Variants in CYP4A22 observed in about 807,000 individuals in gnomAD.
CYP4A22 encodes cytochrome P450 family 4 subfamily A member 22.
A neutral mutation model predicts 56.2 loss-of-function variants in CYP4A22; 46 were observed. The observed-to-expected ratio is 0.82, with a 90% confidence interval of 0.65 to 1.05. CYP4A22 has a LOEUF of 1.05. Among genes scored for constraint, CYP4A22 ranks in the 50% least tolerant of loss-of-function variants. The pLI is 0.00. For missense variants in CYP4A22, 541 were observed against 645.9 expected (o/e 0.84, Z 1.76); for synonymous variants, 193 against 251.1 (o/e 0.77, Z 2.19).
intron 11 of CYP4A22, chr1:47,146,514 G>A (rs144007744): frequency 0.068 from 75,924 of 1,118,380 alleles, 2,860 homozygotes; most frequent in South Asian, 0.13. Context: ...TTTCTCAGTT[G>A]TCAGGAATAG....
chr1:47,147,248 T>C (rs1302036991), intron 11 of CYP4A22: 2 of 985,324 alleles, frequency 2.0e-6, no homozygotes, highest in African/African-American at 3.5e-5. Flanking sequence ...CTTGTAAACA[T>C]TGCCTGCAAA....
chr1:47,146,473 T>C (rs1019840860), intron 11 of CYP4A22: 140 of 1,171,456 alleles, frequency 1.2e-4, no homozygotes, highest in Non-Finnish European at 1.5e-4. Context: ...AATTAGATAT[T>C]CTCCAGTAAA....
intron 6 of CYP4A22, 43 bp downstream of exon 6, chr1:47,143,959 G>C: frequency 6.3e-7 from 1 of 1,578,278 alleles, no homozygotes; most frequent in Non-Finnish European, 8.6e-7. Flanking sequence ...CCCAGGCACA[G>C]TGAAAGTACC....
At chr1:47,143,728 C>T (rs76641385) in intron 5 of CYP4A22, 34 bp from the exon 6 acceptor site, 4 of 1,573,720 alleles carry the variant, frequency 2.5e-6, no homozygotes, top group Non-Finnish European at 3.5e-6. Context: ...TGGGCCCACC[C>T]CTACTGCGGT....
intron 1 of CYP4A22, among the ~76,000 whole-genome samples, chr1:47,139,019 T>A (rs1008266491): frequency 7.9e-5 from 12 of 152,340 alleles, no homozygotes; most frequent in Non-Finnish European, 1.5e-5. Context: ...CTGACAAAGT[T>A]CTAGCCCTAT....
chr1:47,140,447 C>T (rs1406295342), intron 1 of CYP4A22, among the ~76,000 whole-genome samples: 7 of 151,930 alleles, frequency 4.6e-5, no homozygotes, highest in African/African-American at 1.5e-4. Flanking sequence ...CTAGATATAC[C>T]AAATGATTTT....
intron 10 of CYP4A22, 33 bp from the exon 11 acceptor site, chr1:47,146,044 T>C (rs1368305735): frequency 7.4e-6 from 12 of 1,614,066 alleles, no homozygotes; most frequent in Non-Finnish European, 1.0e-5. Flanking sequence ...TGCTGGATCC[T>C]TAACTATCCT....
In CYP4A22 at chr1:47,137,692, C is replaced by T; in HGVS notation, c.195+12C>T. ...GGCACATCCAGGAGGTAGGGAGGAACTCAGTGGGGGAGTGGGAGGGCAAGG... is the reference window on the plus strand; with the variant it reads ...GGCACATCCAGGAGGTAGGGAGGAATTCAGTGGGGGAGTGGGAGGGCAAGG... On this transcript the variant is annotated intron_variant, in intron 1 of 11. Transcript: ENST00000371891. The T allele has an allele frequency of 6.2e-7, 1 of 1,602,702 alleles. No individual in the cohort carries two copies.
intron 1 of CYP4A22, among the ~76,000 whole-genome samples, chr1:47,140,387 T>C (rs554267024): frequency 5.3e-5 from 8 of 152,270 alleles, no homozygotes; most frequent in Non-Finnish European, 1.2e-4. Context: ...AGTATGATTA[T>C]ATAAAATTAT....
At position 47,143,371 on chromosome 1, in the gene CYP4A22, C is replaced by T. The variant is rs575378698; in HGVS notation, c.613C>T (p.Gln205Ter). ...CATCATGAAGAGTGCCTTCAGCCAT[C>T]AGGGCAGCATCCAGGTGGACAGGTC... ...DTIMKSAFSH[Q>*]GSIQVDRNSQ... The change falls in exon 5 of 12, where the codon CAG (glutamine) becomes TAG (stop). Residue 205 changes from glutamine to a stop codon, truncating the protein, a stop_gained. Coordinates refer to ENST00000371891, the MANE Select transcript of CYP4A22 (RefSeq NM_001010969.4). LOFTEE classifies it high-confidence loss of function. The T allele has an allele frequency of 2.5e-6, 4 of 1,613,822 alleles. No individual in the cohort carries two copies. In the South Asian group the frequency reaches 4.4e-5, roughly 18 times the overall value.
At chr1:47,139,501 T>G (rs980338530) in intron 1 of CYP4A22, among the ~76,000 whole-genome samples, 2 of 152,204 alleles carry the variant, frequency 1.3e-5, no homozygotes, top group African/African-American at 4.8e-5. Context: ...CTCATGTCCA[T>G]TATCCCCTAC....
At chr1:47,142,284 T>G in intron 4 of CYP4A22, 49 bp downstream of exon 4, 1 of 1,537,720 alleles carries the variant, frequency 6.5e-7, no homozygotes, top group Non-Finnish European at 8.8e-7. Flanking sequence ...CAGCACACAC[T>G]CTCACCAACT....
Position 47,137,557 on chromosome 1 carries a change from GCT to G in CYP4A22, c.74_75del (p.Leu25HisfsTer16), listed in dbSNP as rs1557643899. On this transcript the variant is annotated frameshift_variant, in exon 1 of 12. Coordinates refer to ENST00000371891, the MANE Select transcript of CYP4A22 (RefSeq NM_001010969.4). LOFTEE classifies it high-confidence loss of function. ...CCGGGATCCTCCAAGTGACCTCCCT[GCT>G]CATTCTGCTTCTGCTGCTGATCAAG... is the stretch of plus-strand genomic sequence containing the variant. The part of the protein sequence containing the change: ...VSGILQVTSL[L>X]ILLLLLIKAA... 1 of 1,614,176 alleles carries G rather than the reference GCT, an allele frequency of 6.2e-7. No homozygotes were observed. Among genetic ancestry groups the G allele is most frequent in the Admixed American group, 1.7e-5 (1 of 60,028 alleles).
In CYP4A22 at chr1:47,146,094, T is replaced by C; in HGVS notation, c.1305T>C (p.Arg435=). ...WPNLEVFDPS[R]FAPGSAQHSH... ...CTCTGCAGGTGTTTGACCCTTCCCG[T>C]TTTGCACCGGGTTCTGCTCAACACA... Residue 435 remains arginine (R), a synonymous_variant, in exon 11 of 12, where the codon CGT becomes CGC. Transcript: ENST00000371891. 1 of 1,614,146 alleles carries C rather than the reference T, an allele frequency of 6.2e-7. No individual in the cohort carries two copies. Among genetic ancestry groups the C allele is most frequent in the Non-Finnish European group, 8.5e-7 (1 of 1,180,024 alleles).
Position 47,143,256 on chromosome 1 carries a change from C to T in CYP4A22, c.511-13C>T, listed in dbSNP as rs762059441. 6.3e-7 allele frequency: 1 copy of T among 1,599,674 alleles called. No individual in the cohort carries two copies. The highest frequency in any genetic ancestry group is 8.5e-7 in the Non-Finnish European group (1 of 1,172,804). ...TTGGAGATTAAGAAGGTCCATGCCCCCTCCCACCACAGGACAAATGGGAAG... is the reference window on the plus strand; with the variant it reads ...TTGGAGATTAAGAAGGTCCATGCCCTCTCCCACCACAGGACAAATGGGAAG... On this transcript the variant is annotated splice_polypyrimidine_tract_variant and intron_variant, in intron 4 of 11. Coordinates refer to ENST00000371891, the MANE Select transcript of CYP4A22 (RefSeq NM_001010969.4).
At chr1:47,147,134 T>G (rs1323286021) in intron 11 of CYP4A22, 6 of 985,338 alleles carry the variant, frequency 6.1e-6, no homozygotes, top group Non-Finnish European at 6.0e-6. Context: ...AAGAAATAAT[T>G]ATGTGACTTC....
intron 11 of CYP4A22, among the ~76,000 whole-genome samples, chr1:47,147,967 GGAGTA>G (rs1245750432): frequency 1.3e-5 from 2 of 152,184 alleles, no homozygotes; most frequent in Non-Finnish European, 2.9e-5. Flanking sequence ...GGACGTTTCT[GGAGTA>G]GAGTTAGAAG....
At chr1:47,140,092 C>T (rs558455949) in intron 1 of CYP4A22, among the ~76,000 whole-genome samples, 5 of 152,212 alleles carry the variant, frequency 3.3e-5, no homozygotes, top group East Asian at 1.9e-4. Flanking sequence ...TGATCCACAT[C>T]GAAGAGTTTA....
chr1:47,144,437 T>A lies in CYP4A22; in HGVS notation c.871T>A (p.Phe291Ile). Residue 291 changes from phenylalanine (F) to isoleucine (I), a missense_variant, in exon 7 of 12, where the codon TTT becomes ATT. Around this residue, in one of 3 missense-constraint regions of CYP4A22, gnomAD observed 335 missense variants for 361.2 expected, o/e 0.93. Transcript: ENST00000371891. ...GATCAAGAGGAAGAGGCACTTGGAT[T>A]TTCTGGACATCCTCCTCTTGGCCAA... ...EKIKRKRHLD[F>I]LDILLLAKME... 2 of 1,613,908 alleles carry A rather than the reference T, an allele frequency of 1.2e-6. No homozygotes were observed. Among genetic ancestry groups the A allele is most frequent in the Non-Finnish European group, 1.7e-6 (2 of 1,179,838 alleles).
Sources: gnomAD v4.1 joint callset for allele counts (sites outside exome capture counted in the v4.1 genomes callset) on GRCh38, gnomAD v4.1.1 for gene constraint, gnomAD v4.1.1 regional missense constraint, MANE v1.5 for transcripts, NCBI Gene and HGNC (gene_info 2026-07-23, HGNC 2026-07-21) for gene names.